The following USP30 variants were observed in gnomAD, a reference collection of about 807,000 sequenced individuals.
The protein encoded by USP30 is ubiquitin specific peptidase 30, also known as ubiquitin carboxyl-terminal hydrolase 30.
In USP30, 41 loss-of-function variants were observed where a neutral mutation model predicts 68.2. The observed-to-expected ratio is 0.60, with a 90% CI of 0.47 to 0.78. USP30 has a LOEUF of 0.78. Ranked by LOEUF, USP30 falls within the 30% of genes least tolerant of loss-of-function variation. USP30 has a pLI of 0.00. For synonymous variants in USP30, 229 were observed against 253.7 expected (o/e 0.90, Z 0.93); for missense variants, 522 against 649.4 (o/e 0.80, Z 2.13).
intron 1 of USP30, among the ~76,000 whole-genome samples, chr12:109,053,358 A>T (rs2040734805): frequency 6.6e-6 from 1 of 151,952 alleles, no homozygotes; most frequent in Non-Finnish European, 1.5e-5. Flanking sequence ...GGGTCTCTAA[A>T]TTGGTCAGGG....
At chr12:109,043,150 C>T (rs922073906) in intron 3 of USP30, among the ~76,000 whole-genome samples, 5 of 152,086 alleles carry the variant, frequency 3.3e-5, no homozygotes, top group Admixed American at 2.0e-4. Flanking sequence ...GAATTAATAT[C>T]GTTAAAATGT....
chr12:109,057,752 G>A (rs532331232), intron 2 of USP30, among the ~76,000 whole-genome samples, 174 bp from the exon 3 acceptor site: 1 of 152,360 alleles, frequency 6.6e-6, no homozygotes, highest in South Asian at 2.1e-4. Flanking sequence ...AGCAGTACTA[G>A]AACCAAGCCT....
At chr12:109,069,876 A>G (rs893530683) in intron 4 of USP30, among the ~76,000 whole-genome samples, 5 of 152,134 alleles carry the variant, frequency 3.3e-5, no homozygotes, top group African/African-American at 1.2e-4. Flanking sequence ...GTGTGTGGAC[A>G]CCTGGGTACA....
At chr12:109,037,142 C>A (rs1387040194) in intron 3 of USP30, among the ~76,000 whole-genome samples, 1 of 152,136 alleles carries the variant, frequency 6.6e-6, no homozygotes, top group African/African-American at 2.4e-5. Context: ...TGTTCCTCAT[C>A]TCAATGGAAC....
At chr12:109,032,971 G>A (rs2040493218) in intron 3 of USP30, among the ~76,000 whole-genome samples, 1 of 152,136 alleles carries the variant, frequency 6.6e-6, no homozygotes, top group Non-Finnish European at 1.5e-5. Context: ...CTGCCCCTTA[G>A]CCTGAAATAC....
At chr12:109,031,637 G>A (rs189446146) in intron 3 of USP30, among the ~76,000 whole-genome samples, 1 of 152,208 alleles carries the variant, frequency 6.6e-6, no homozygotes, top group African/African-American at 2.4e-5. Context: ...ACAAAATGTG[G>A]TCTATCCATG....
chr12:109,082,635 C>A lies in USP30; in HGVS notation c.868-28C>A, dbSNP rs757986438. The A allele has an allele frequency of 1.9e-6, 3 of 1,610,316 alleles. No homozygotes were observed. The East Asian group carries it at 6.7e-5, about 36-fold the overall frequency. On this transcript the variant is annotated intron_variant, in intron 9 of 12. Transcript: ENST00000257548. ...CAAAGCTGTCCTATTTTAGGCATTG[C>A]TGCAGAGAAATGTTCCTTTTATTTC...
chr12:109,067,950 A>G (rs2041312676), intron 4 of USP30, among the ~76,000 whole-genome samples: 1 of 152,118 alleles, frequency 6.6e-6, no homozygotes, highest in East Asian at 1.9e-4. Context: ...GAGGCAGGTG[A>G]CTTTACCTTG....
rs149282813 is a variant in USP30 at position 109,032,662 on chromosome 12, A to G, written c.-136+5106A>G. On this transcript the variant is annotated intron_variant, in intron 3 of 15. Coordinates refer to the USP30 transcript ENST00000392784. ...TTAGGAATGGGGTTGTGGAGGGGGAAATGGAGATTGACTGCTAATACATAT... is the reference window on the plus strand; with the variant it reads ...TTAGGAATGGGGTTGTGGAGGGGGAGATGGAGATTGACTGCTAATACATAT... 2.4e-3 allele frequency among the ~76,000 whole-genome samples: 360 copies of G among 152,298 alleles called. 1 individual carries two copies. Among genetic ancestry groups the G allele is most frequent in the African/African-American group, 7.6e-3 (315 of 41,570 alleles).
At chr12:109,076,523 A>G (rs1021727629) in intron 7 of USP30, among the ~76,000 whole-genome samples, 2 of 151,298 alleles carry the variant, frequency 1.3e-5, no homozygotes, top group Admixed American at 1.3e-4. Context: ...TGAAGCAAGT[A>G]TTTGGTGTTT....
chr12:109,086,038 C>G lies in USP30; in HGVS notation c.*107C>G. The G allele has an allele frequency of 6.9e-7, 1 of 1,448,882 alleles. No homozygotes were observed. Among genetic ancestry groups the G allele is most frequent in the Non-Finnish European group, 9.2e-7 (1 of 1,092,878 alleles). 89.8% of individuals were successfully genotyped at this position (1,448,882 alleles called of 1,614,324 possible). A position where few individuals can be genotyped will look rare whatever the true frequency, so the allele number is the denominator to read the frequency against. On this transcript the variant is annotated 3_prime_UTR_variant, in exon 13 of 13. Transcript: ENST00000257548. Reference sequence around the variant, plus strand: ...AAGCGGCCCCACTAGAGCCTTCCAGCCTTCTGGTGTGTTCTAAGAGCAGGC... The same window carrying G: ...AAGCGGCCCCACTAGAGCCTTCCAGGCTTCTGGTGTGTTCTAAGAGCAGGC...
In USP30 at chr12:109,060,064, A is replaced by T. The variant is rs1224309919; in HGVS notation, c.376+1956A>T. 6 of 152,364 alleles carry T rather than the reference A, an allele frequency of 3.9e-5. No homozygotes were observed. The East Asian group carries it at 1.2e-3, about 29-fold the overall frequency. The allele number at this position is 152,364 out of a possible 1,614,324, so 9.4% of individuals were successfully genotyped here. A position where few individuals can be genotyped will look rare whatever the true frequency, so the allele number is the denominator to read the frequency against. On this transcript the variant is annotated intron_variant, in intron 3 of 12. Transcript: ENST00000257548. ...GCCGGGTAGTGGTTGGCTAGCACTT[A>T]GATGGGAAAATGATAAAGTAATCGA...
intron 3 of USP30, 50 bp downstream of exon 3, chr12:109,058,158 C>T: frequency 1.3e-6 from 2 of 1,528,234 alleles, no homozygotes; most frequent in African/African-American, 1.4e-5. Flanking sequence ...CAAAGAAGTC[C>T]AGATGACAGA....
chr12:109,034,673 G>C (rs1345424636), intron 3 of USP30, among the ~76,000 whole-genome samples: 3 of 152,176 alleles, frequency 2.0e-5, no homozygotes, highest in Non-Finnish European at 4.4e-5. Flanking sequence ...CTATTTCCTT[G>C]TTGATCTTCT....
intron 2 of USP30, chr12:109,025,176 C>T (rs2040435418): frequency 1.3e-5 from 2 of 152,148 alleles, no homozygotes; most frequent in Non-Finnish European, 2.9e-5. Flanking sequence ...TGTGTGGCCC[C>T]CTTGGGTTTT....
intron 3 of USP30, among the ~76,000 whole-genome samples, chr12:109,032,212 G>GA (rs2135660107): frequency 1.3e-5 from 2 of 152,246 alleles, no homozygotes; most frequent in South Asian, 4.1e-4. Context: ...GCTGAGTCAG[G>GA]AGGGTTGCTT....
intron 11 of USP30, among the ~76,000 whole-genome samples, chr12:109,083,734 G>T (rs2041870618): frequency 6.6e-6 from 1 of 152,024 alleles, no homozygotes; most frequent in Non-Finnish European, 1.5e-5. Flanking sequence ...CACTTGAAGG[G>T]CTCACAGCCT....
intron 12 of USP30, among the ~76,000 whole-genome samples, chr12:109,085,353 A>G (rs2135840017): frequency 6.6e-6 from 1 of 152,360 alleles, no homozygotes; most frequent in African/African-American, 2.4e-5. Context: ...TTGGGATACC[A>G]TCTAGAGATA....
intron 3 of USP30, among the ~76,000 whole-genome samples, chr12:109,066,008 T>C (rs1007767164): frequency 5.9e-5 from 9 of 152,072 alleles, no homozygotes; most frequent in Admixed American, 2.0e-4. Context: ...TCCCAGCACG[T>C]TGGGAGGCCA....
Sources: gnomAD v4.1 joint callset for allele counts (sites outside exome capture counted in the v4.1 genomes callset) on GRCh38, gnomAD v4.1.1 for gene constraint, MANE v1.5 for transcripts, NCBI Gene and HGNC (gene_info 2026-07-23, HGNC 2026-07-21) for gene names.